IL6ST: variants seen among roughly 807,000 people sequenced by gnomAD.
The protein encoded by IL6ST is interleukin-6 receptor subunit beta.
IL6ST carries 24 observed loss-of-function variants against 91.3 expected under a neutral mutation model. That is an observed-to-expected ratio of 0.26 (90% CI 0.19 to 0.37). The LOEUF (loss-of-function observed/expected upper bound fraction) is 0.37, where lower values mean the gene tolerates loss of function less well. Among genes scored for constraint, IL6ST ranks in the 10% least tolerant of loss-of-function variants. The pLI is 1.00. For missense variants in IL6ST, 914 were observed against 1,078.5 expected (o/e 0.85, Z 2.14); for synonymous variants, 351 against 373.6 (o/e 0.94, Z 0.70).
At chr5:55,944,707 A>C in intron 15 of IL6ST, 6 of 1,023,760 alleles carry the variant, frequency 5.9e-6, no homozygotes, top group Non-Finnish European at 8.8e-6. Context: ...GCGCAAAAGA[A>C]GAAAGATGAG....
intron 4 of IL6ST, 104 bp from the exon 5 acceptor site, chr5:55,968,500 A>T: frequency 9.1e-7 from 1 of 1,092,982 alleles, no homozygotes; most frequent in Non-Finnish European, 1.3e-6. Flanking sequence ...GATGAAAAAA[A>T]TCAAACCCAA....
At chr5:55,955,796 C>G (rs1449283970) in intron 10 of IL6ST, among the ~76,000 whole-genome samples, 1 of 152,090 alleles carries the variant, frequency 6.6e-6, no homozygotes, top group East Asian at 1.9e-4. Context: ...CAGGGGAGAT[C>G]GCTTGAGCTC....
chr5:55,938,443 G>GT lies in IL6ST; in HGVS notation c.*2638dup, dbSNP rs1561144379. On this transcript the variant is annotated 3_prime_UTR_variant, in exon 17 of 17. Transcript: ENST00000381298. ...TGAGGGTAGGATACCACAGACATCA[G>GT]TAACTGACAAGTTATAATATCAACA... is the stretch of plus-strand genomic sequence containing the variant. 1 of 193,270 alleles carries GT rather than the reference G, an allele frequency of 5.2e-6. No individual in the cohort carries two copies. Among genetic ancestry groups the GT allele is most frequent in the African/African-American group, 2.3e-5 (1 of 43,066 alleles). The allele number at this position is 193,270 out of a possible 1,614,324, so 12.0% of individuals were successfully genotyped here. A position where few individuals can be genotyped will look rare whatever the true frequency, so the allele number is the denominator to read the frequency against.
At position 55,993,714 on chromosome 5, in the gene IL6ST, G is replaced by C. The variant is rs188746676; in HGVS notation, c.-104+1070C>G. On this transcript the variant is annotated intron_variant, in intron 1 of 16. Transcript: ENST00000381298. ...ATCCCTAAAGAGAAATAGTTGGAAA[G>C]CACAATTTAATAGCAAGTTGGTTCT... is the stretch of plus-strand genomic sequence containing the variant. 4.3e-4 allele frequency among the ~76,000 whole-genome samples: 66 copies of C among 152,252 alleles called. No individual in the cohort carries two copies. In the East Asian group the frequency reaches 0.013, roughly 29 times the overall value.
At chr5:55,982,686 T>TA (rs1753734526) in intron 2 of IL6ST, 38 bp downstream of exon 2, 1 of 397,856 alleles carries the variant, frequency 2.5e-6, no homozygotes. Flanking sequence ...CTTTGTAAAA[T>TA]AAAAAAACAA....
intron 7 of IL6ST, among the ~76,000 whole-genome samples, chr5:55,961,787 T>C (rs922061208): frequency 3.3e-5 from 5 of 149,728 alleles, no homozygotes; most frequent in African/African-American, 1.2e-4. Context: ...AGCCAGTTCC[T>C]GGAAGGAAGC....
At chr5:55,962,589 C>G (rs1752385857) in intron 7 of IL6ST, among the ~76,000 whole-genome samples, 1 of 152,086 alleles carries the variant, frequency 6.6e-6, no homozygotes, top group African/African-American at 2.4e-5. Flanking sequence ...GGGCCAGAGA[C>G]TCTTTTTGCA....
intron 1 of IL6ST, among the ~76,000 whole-genome samples, chr5:55,990,615 T>C (rs182789625): frequency 2.0e-5 from 3 of 152,350 alleles, no homozygotes; most frequent in African/African-American, 7.2e-5. Context: ...GGCTTGGATC[T>C]TTCTTTTAAT....
chr5:55,950,535 C>CAAA (rs70995750), intron 14 of IL6ST, among the ~76,000 whole-genome samples: 28 of 29,286 alleles, frequency 9.6e-4, no homozygotes, highest in African/African-American at 1.2e-3. Flanking sequence ...GACTCTGTCT[C>CAAA]AAAAAAAAAA....
At chr5:55,945,198 CT>C (rs751148353) in intron 15 of IL6ST, among the ~76,000 whole-genome samples, 32 of 152,108 alleles carry the variant, frequency 2.1e-4, no homozygotes, top group Admixed American at 6.5e-4. Flanking sequence ...GCCAAAATAA[CT>C]TCTTTAAAAA....
intron 4 of IL6ST, 98 bp from the exon 5 acceptor site, chr5:55,968,494 A>G: frequency 8.7e-7 from 1 of 1,154,098 alleles, no homozygotes; most frequent in Non-Finnish European, 1.2e-6. Context: ...AAATTAGATG[A>G]AAAAAATCAA....
Position 55,967,309 on chromosome 5 carries a change from CAAAAAAAAAAAAAAAAA to C in IL6ST, c.491+950_491+966del, listed in dbSNP as rs60547666. Among the ~76,000 whole-genome samples the C allele has an allele frequency of 5.6e-4, 18 of 31,902 alleles. No homozygotes were observed. In the East Asian group the frequency reaches 0.016, roughly 28 times the overall value. The allele number at this position is 31,902 out of a possible 152,430, so 20.9% of individuals were successfully genotyped here. ...TAGGTGACAGAGCAAGACTCCATCT[CAAAAAAAAAAAAAAAAA>C]AAAAAAAAAAAAAAAAAAGACAAGG... On this transcript the variant is annotated intron_variant, in intron 5 of 16. Transcript: ENST00000381298.
intron 1 of IL6ST, among the ~76,000 whole-genome samples, chr5:55,991,525 T>C (rs561218426): frequency 6.6e-4 from 100 of 151,750 alleles, no homozygotes; most frequent in African/African-American, 2.3e-3. Flanking sequence ...TTCAACTGTG[T>C]TCCTGCTTCC....
At chr5:55,981,857 C>CA (rs1385005623) in intron 2 of IL6ST, among the ~76,000 whole-genome samples, 2 of 152,022 alleles carry the variant, frequency 1.3e-5, no homozygotes, top group African/African-American at 2.4e-5. Flanking sequence ...TCTATGAAGC[C>CA]AAAACCTAAC....
Position 55,939,592 on chromosome 5 carries a change from ACCTG to A in IL6ST, c.*1486_*1489del, listed in dbSNP as rs1307218040. On this transcript the variant is annotated 3_prime_UTR_variant, in exon 17 of 17. Coordinates refer to ENST00000381298, the MANE Select transcript of IL6ST (RefSeq NM_002184.4). ...TCTGTAACTTAAATATGGCATAAAA[ACCTG>A]TTTCCTTTGAATTCACTTGATAGCA... is the stretch of plus-strand genomic sequence containing the variant. 8 of 203,402 alleles carry A rather than the reference ACCTG, an allele frequency of 3.9e-5. No homozygotes were observed. The highest frequency in any genetic ancestry group is 1.8e-4 in the African/African-American group (8 of 43,686). 12.6% of individuals were successfully genotyped at this position (203,402 alleles called of 1,614,324 possible).
chr5:55,974,961 A>G (rs1413501011), intron 3 of IL6ST, among the ~76,000 whole-genome samples: 2 of 146,552 alleles, frequency 1.4e-5, no homozygotes, highest in Admixed American at 6.7e-5. Flanking sequence ...ACACATACAC[A>G]CACACACACA....
At chr5:55,992,423 AAATT>A (rs1754387253) in intron 1 of IL6ST, among the ~76,000 whole-genome samples, 1 of 152,206 alleles carries the variant, frequency 6.6e-6, no homozygotes, top group South Asian at 2.1e-4. Flanking sequence ...TTAGCTGGGC[AAATT>A]AATTAACCTT....
At chr5:55,975,536 C>T (rs1040205914) in intron 3 of IL6ST, among the ~76,000 whole-genome samples, 1 of 151,804 alleles carries the variant, frequency 6.6e-6, no homozygotes. Flanking sequence ...TAATACTTGG[C>T]TAATTAAAAA....
intron 15 of IL6ST, among the ~76,000 whole-genome samples, chr5:55,945,040 CAAAAAAAA>C (rs368225632): frequency 7.0e-5 from 5 of 71,940 alleles, no homozygotes; most frequent in African/African-American, 1.7e-4. Context: ...GGAATTAAAT[CAAAAAAAA>C]AAAAAAAAAA....
Sources: allele counts gnomAD v4.1 joint callset (sites outside exome capture counted in the v4.1 genomes callset), GRCh38; gene constraint gnomAD v4.1.1; transcripts MANE v1.5; gene names NCBI Gene and HGNC (gene_info 2026-07-23, HGNC 2026-07-21).